Variants in C9orf43 observed in about 807,000 individuals in gnomAD.
C9orf43 encodes uncharacterized protein C9orf43.
C9orf43 carries 45 observed loss-of-function variants against 59.1 expected under a neutral mutation model. That is an observed-to-expected ratio of 0.76 (90% confidence interval 0.60 to 0.98). The LOEUF (loss-of-function observed/expected upper bound fraction) is 0.98, where lower values mean the gene tolerates loss of function less well. C9orf43 is among the 50% of genes least tolerant of loss of function. The pLI is 0.00. For missense variants in C9orf43, 533 were observed against 554.9 expected (o/e 0.96, Z 0.40); for synonymous variants, 203 against 196.8 (o/e 1.03, Z -0.26).
chr9:113,417,371 T>C (rs547542750), intron 3 of C9orf43, among the ~76,000 whole-genome samples: 66 of 152,370 alleles, frequency 4.3e-4, no homozygotes, highest in Non-Finnish European at 6.6e-4. Context: ...TTTTAGGCCC[T>C]TTGAAAGCAG....
intron 5 of C9orf43, 116 bp from the exon 6 acceptor site, chr9:113,422,433 T>C (rs1828612442): frequency 7.1e-7 from 1 of 1,416,158 alleles, no homozygotes; most frequent in Non-Finnish European, 9.6e-7. Context: ...GTGGTCATCA[T>C]TCACAAATAT....
At chr9:113,414,560 C>T (rs1828291135) in intron 3 of C9orf43, among the ~76,000 whole-genome samples, 1 of 152,016 alleles carries the variant, frequency 6.6e-6, no homozygotes, top group African/African-American at 2.4e-5. Flanking sequence ...GTTGGGATTA[C>T]AGGCATGAGA....
At chr9:113,421,309 G>T in intron 5 of C9orf43, 106 bp downstream of exon 5, 1 of 769,470 alleles carries the variant, frequency 1.3e-6, no homozygotes, top group Non-Finnish European at 2.2e-6. Flanking sequence ...ATTGCAAGTA[G>T]CAGGAGGCCA....
At chr9:113,425,762 T>C (rs1325022155) in intron 11 of C9orf43, 32 bp downstream of exon 11, 2 of 1,553,972 alleles carry the variant, frequency 1.3e-6, no homozygotes, top group Non-Finnish European at 1.8e-6. Context: ...TTGGGGGTGA[T>C]AGGATCCCTG....
chr9:113,425,542 CT>C (rs1322519567), intron 10 of C9orf43, 100 bp from the exon 11 acceptor site: 1 of 1,484,426 alleles, frequency 6.7e-7, no homozygotes, highest in African/African-American at 1.4e-5. Context: ...AAGTTCTTGT[CT>C]GGTTGTAGAT....
Position 113,413,884 on chromosome 9 carries a change from T to C in C9orf43, c.277T>C (p.Phe93Leu). 6.2e-7 allele frequency: 1 copy of C among 1,608,464 alleles called. No homozygotes were observed. Among genetic ancestry groups the C allele is most frequent in the South Asian group, 1.1e-5 (1 of 89,306 alleles). The change falls in exon 3 of 14, where the codon TTT becomes CTT. Residue 93 changes from phenylalanine (F) to leucine (L), a missense_variant. Coordinates refer to ENST00000374165, the MANE Select transcript of C9orf43 (RefSeq NM_001278629.2). The part of the protein sequence containing the change: ...LSQSSKFYSK[F>L]HGRPPKGLPD... ...TCAGAGTTCAAAGTTTTACTCCAAA[T>C]TTCATGGCAGGTAAATTATCATGGA...
rs113688614 is a variant in C9orf43 at position 113,423,603 on chromosome 9, T to C, written c.656+105T>C. 8 of 1,075,282 alleles carry C rather than the reference T, an allele frequency of 7.4e-6. 1 individual carries two copies. In the African/African-American group the frequency reaches 1.1e-4, roughly 15 times the overall value. 66.6% of individuals were successfully genotyped at this position (1,075,282 alleles called of 1,614,324 possible). A position where few individuals can be genotyped will look rare whatever the true frequency, so the allele number is the denominator to read the frequency against. ...TTTCTGAGTAGGACTGGGAGAAAAC[T>C]ATCACCCCGATTTGTTTACTGAACT... is the stretch of plus-strand genomic sequence containing the variant. On this transcript the variant is annotated intron_variant, in intron 7 of 13. Coordinates refer to ENST00000374165, the MANE Select transcript of C9orf43 (RefSeq NM_001278629.2).
chr9:113,425,184 A>C, intron 9 of C9orf43, 108 bp downstream of exon 9: 1 of 1,443,308 alleles, frequency 6.9e-7, no homozygotes, highest in Middle Eastern at 1.8e-4. Context: ...ACAGTCATAC[A>C]GGGTCACATG....
intron 3 of C9orf43, among the ~76,000 whole-genome samples, chr9:113,418,763 G>A (rs925975739): frequency 2.0e-5 from 3 of 151,986 alleles, no homozygotes; most frequent in African/African-American, 7.2e-5. Context: ...TGTATATACC[G>A]CATTTTATTT....
intron 8 of C9orf43, 29 bp from the exon 9 acceptor site, chr9:113,424,990 G>T (rs775742221): frequency 3.6e-5 from 57 of 1,597,762 alleles, no homozygotes; most frequent in Admixed American, 1.2e-4. Context: ...CTGCAGTAGA[G>T]CTTTTCTTTT....
chr9:113,414,684 G>A (rs1465313770), intron 3 of C9orf43, among the ~76,000 whole-genome samples: 1 of 152,026 alleles, frequency 6.6e-6, no homozygotes, highest in Non-Finnish European at 1.5e-5. Context: ...CCCCTCATGT[G>A]ACTTCATTTT....
At chr9:113,414,259 AC>A (rs1426269642) in intron 3 of C9orf43, among the ~76,000 whole-genome samples, 33 of 151,866 alleles carry the variant, frequency 2.2e-4, no homozygotes, top group Non-Finnish European at 5.9e-5. Context: ...AATTTTTTAT[AC>A]CCTGTGTCCT....
rs770399149 is a variant in C9orf43 at position 113,425,726 on chromosome 9, CTATGGTAAGGGGAATA to C, written c.1030+1_1030+16del. 1.2e-6 allele frequency: 2 copies of C among 1,612,180 alleles called. No individual in the cohort carries two copies. Among genetic ancestry groups the C allele is most frequent in the East Asian group, 4.5e-5 (2 of 44,864 alleles). On this transcript the variant is annotated splice_donor_variant and splice_donor_5th_base_variant and coding_sequence_variant and intron_variant, in exon 11 of 14. Coordinates refer to ENST00000374165, the MANE Select transcript of C9orf43 (RefSeq NM_001278629.2). LOFTEE classifies it high-confidence loss of function. ...CAGTTACCACCGTTCATGACCGTCTCTATGGTAAGGGGAATATATGCTTGGTTGGGGGTGATAGGAT... is the reference window on the plus strand; with the variant it reads ...CAGTTACCACCGTTCATGACCGTCTCTATGCTTGGTTGGGGGTGATAGGAT...
chr9:113,411,298 GTTTC>G (rs1018303173), intron 1 of C9orf43, among the ~76,000 whole-genome samples: 18 of 149,566 alleles, frequency 1.2e-4, no homozygotes, highest in East Asian at 3.9e-4. Context: ...TTGCAATGGC[GTTTC>G]TTTTTTTTTT....
chr9:113,423,756 C>T (rs1362534206), intron 7 of C9orf43, among the ~76,000 whole-genome samples: 1 of 152,182 alleles, frequency 6.6e-6, no homozygotes, highest in Non-Finnish European at 1.5e-5. Flanking sequence ...GAGGTAGGCA[C>T]TATCACTGTC....
At position 113,413,457 on chromosome 9, in the gene C9orf43, C is replaced by A; in HGVS notation, c.-37C>A. ...GTTGATTTTCCAGAGCACTAGAATGCTGCAGGGTTGGCCTTTGGCCTAAAC... is the reference window on the plus strand; with the variant it reads ...GTTGATTTTCCAGAGCACTAGAATGATGCAGGGTTGGCCTTTGGCCTAAAC... On this transcript the variant is annotated 5_prime_UTR_variant, in exon 2 of 14. In the 5' UTR this introduces an upstream ATG that the reference lacks. Transcript: ENST00000374165. 1 of 1,595,690 alleles carries A rather than the reference C, an allele frequency of 6.3e-7. No individual in the cohort carries two copies. The highest frequency in any genetic ancestry group is 8.6e-7 in the Non-Finnish European group (1 of 1,166,020).
intron 11 of C9orf43, among the ~76,000 whole-genome samples, chr9:113,426,781 C>T (rs1484523048): frequency 6.6e-6 from 1 of 152,192 alleles, no homozygotes; most frequent in Non-Finnish European, 1.5e-5. Context: ...TTCCCAATGC[C>T]TCCAATAGGA....
At chr9:113,412,535 G>A (rs1828209059) in intron 1 of C9orf43, among the ~76,000 whole-genome samples, 2 of 152,196 alleles carry the variant, frequency 1.3e-5, no homozygotes, top group Non-Finnish European at 1.5e-5. Flanking sequence ...TTAGGAATAA[G>A]GTGGTAGTTA....
chr9:113,423,291 G>A (rs760311250), intron 6 of C9orf43, 35 bp from the exon 7 acceptor site: 2 of 1,603,224 alleles, frequency 1.2e-6, no homozygotes, highest in African/African-American at 1.3e-5. Context: ...TAAAAAGAAT[G>A]CTTTGGAGAA....
Sources: allele counts gnomAD v4.1 joint callset (sites outside exome capture counted in the v4.1 genomes callset), GRCh38; gene constraint gnomAD v4.1.1; transcripts MANE v1.5; gene names NCBI Gene and HGNC (gene_info 2026-07-23, HGNC 2026-07-21).